The following TCERG1 variants were observed in gnomAD, a reference collection of about 807,000 sequenced individuals.
TCERG1 encodes transcription elongation regulator 1.
A neutral mutation model predicts 144.7 loss-of-function variants in TCERG1; 37 were observed. The ratio of observed to expected loss-of-function variants is 0.26; its 90% confidence interval spans 0.20 to 0.34. The LOEUF (loss-of-function observed/expected upper bound fraction) is 0.34. Among genes scored for constraint, TCERG1 ranks in the 10% least tolerant of loss-of-function variants. TCERG1 has a pLI of 1.00. For missense variants in TCERG1, 1,027 were observed against 1,380.7 expected, an observed-to-expected ratio of 0.74 and a Z score of 4.06; for synonymous variants, 492 against 458.2, an observed-to-expected ratio of 1.07 and a Z score of -0.94.
Position 146,488,973 on chromosome 5 carries a change from A to G in TCERG1, c.2164-3947A>G, listed in dbSNP as rs1309118570. On this transcript the variant is annotated intron_variant, in intron 15 of 22. Coordinates refer to ENST00000679501, the MANE Select transcript of TCERG1 (RefSeq NM_001382548.1). Reference sequence around the variant, plus strand: ...AGAAAGATAAACATCTTATGTTTTCACACATGTGGAAGCAAAAGAAAGTTG... The same window carrying G: ...AGAAAGATAAACATCTTATGTTTTCGCACATGTGGAAGCAAAAGAAAGTTG... Among the ~76,000 whole-genome samples, 6 of 152,324 alleles carry G rather than the reference A, an allele frequency of 3.9e-5. No homozygotes were observed. The South Asian group carries it at 6.2e-4, about 16-fold the overall frequency.
chr5:146,481,732 A>G (rs1765380001), intron 13 of TCERG1: 1 of 152,180 alleles, frequency 6.6e-6, no homozygotes, highest in African/African-American at 2.4e-5. Context: ...ATACACCCAG[A>G]TATTATTGAA....
At chr5:146,483,180 A>G (rs370904357) in intron 14 of TCERG1, among the ~76,000 whole-genome samples, 90 of 152,326 alleles carry the variant, frequency 5.9e-4, no homozygotes, top group African/African-American at 2.0e-3. Context: ...AATAAGTAAA[A>G]TTGTTCAATT....
At chr5:146,455,319 C>G in intron 2 of TCERG1, 38 bp downstream of exon 2, 1 of 1,606,914 alleles carries the variant, frequency 6.2e-7, no homozygotes. Flanking sequence ...TTGTTGGCAT[C>G]ATTATCAATA....
At chr5:146,454,529 A>G (rs1762653921) in intron 1 of TCERG1, among the ~76,000 whole-genome samples, 2 of 151,402 alleles carry the variant, frequency 1.3e-5, no homozygotes, top group Non-Finnish European at 2.9e-5. Context: ...CTCGGCATCC[A>G]TTGATCATTC....
At position 146,459,325 on chromosome 5, in the gene TCERG1, C is replaced by T. The variant is rs1225541384; in HGVS notation, c.880C>T (p.Gln294Ter). The T allele has an allele frequency of 6.2e-7, 1 of 1,613,972 alleles. No individual in the cohort carries two copies. Among genetic ancestry groups the T allele is most frequent in the East Asian group, 2.2e-5 (1 of 44,890 alleles). The change falls in exon 4 of 23, where the codon CAG becomes TAG. Residue 294 changes from glutamine (Q) to a stop codon, truncating the protein, a stop_gained. Coordinates refer to ENST00000679501, the MANE Select transcript of TCERG1 (RefSeq NM_001382548.1). LOFTEE classifies it high-confidence loss of function. ...STTTTATSVA[Q>*]TVSTPTTQDQ... Reference sequence around the variant, plus strand: ...CACAACAACTGCTACTTCAGTTGCGCAGACAGTATCAAGTGAGTACCACTC... The same window carrying T: ...CACAACAACTGCTACTTCAGTTGCGTAGACAGTATCAAGTGAGTACCACTC...
chr5:146,479,136 A>G (rs1213656924), intron 10 of TCERG1, among the ~76,000 whole-genome samples: 3 of 152,166 alleles, frequency 2.0e-5, no homozygotes, highest in Non-Finnish European at 4.4e-5. Context: ...AATCTATCTC[A>G]TATTCAGAGG....
chr5:146,465,072 A>G (rs1478255011), intron 5 of TCERG1, among the ~76,000 whole-genome samples: 1 of 152,190 alleles, frequency 6.6e-6, no homozygotes, highest in Non-Finnish European at 1.5e-5. Context: ...TTTCCCTACT[A>G]TTAGGGATTA....
rs568476266 is a variant in TCERG1, at chr5:146,461,054, C to T, written c.892+1717C>T. On this transcript the variant is annotated intron_variant, in intron 4 of 22. Transcript: ENST00000679501. ...TTAGAAAGGAGAAATAGTAGTGCTT[C>T]GTTTTGTTTTAGGAAAGGTGATGAG... Among the ~76,000 whole-genome samples the T allele has an allele frequency of 1.1e-4, 17 of 152,088 alleles. No individual in the cohort carries two copies. The South Asian group carries it at 2.7e-3, about 24-fold the overall frequency.
At position 146,463,566 on chromosome 5, in the gene TCERG1, A is replaced by G; in HGVS notation, c.908A>G (p.Asp303Gly). The G allele has an allele frequency of 6.2e-7, 1 of 1,614,192 alleles. No individual in the cohort carries two copies. Among genetic ancestry groups the G allele is most frequent in the Non-Finnish European group, 8.5e-7 (1 of 1,180,036 alleles). Residue 303 changes from aspartate (D) to glycine (G), a missense_variant, in exon 5 of 23, where the codon GAT becomes GGT. Physicochemically the swap from Asp to Gly is moderately conservative, Grantham distance 94 (BLOSUM62 -1). This residue lies in a region of TCERG1 where 187 missense variants were observed against 169.1 expected (regional missense o/e 1.11). Transcript: ENST00000679501. ...CTTTTATCAGCACCCACAACACAAGATCAGACCCCAAGTTCTGCTGTTTCA... is the reference window on the plus strand; with the variant it reads ...CTTTTATCAGCACCCACAACACAAGGTCAGACCCCAAGTTCTGCTGTTTCA... The part of the protein sequence containing the change: ...AQTVSTPTTQ[D>G]QTPSSAVSVA...
intron 4 of TCERG1, chr5:146,461,915 A>G (rs1763362099): frequency 6.6e-6 from 1 of 152,566 alleles, no homozygotes; most frequent in Non-Finnish European, 1.5e-5. Context: ...ATAGTAGATT[A>G]CAAATGCTAA....
At chr5:146,489,143 A>G (rs1251908776) in intron 15 of TCERG1, among the ~76,000 whole-genome samples, 1 of 152,198 alleles carries the variant, frequency 6.6e-6, no homozygotes, top group East Asian at 1.9e-4. Flanking sequence ...GTAGCCCTGT[A>G]GGATGACTGG....
At chr5:146,473,520 G>A (rs1764541953) in intron 9 of TCERG1, among the ~76,000 whole-genome samples, 2 of 152,218 alleles carry the variant, frequency 1.3e-5, no homozygotes, top group African/African-American at 4.8e-5. Context: ...AGACGAAACA[G>A]CCTTCTATTG....
At chr5:146,492,566 C>G (rs1030930844) in intron 15 of TCERG1, among the ~76,000 whole-genome samples, 10 of 152,090 alleles carry the variant, frequency 6.6e-5, no homozygotes, top group African/African-American at 2.4e-4. Context: ...ACTACAGATT[C>G]CATACCATTG....
intron 1 of TCERG1, among the ~76,000 whole-genome samples, chr5:146,453,040 G>A (rs1025908367): frequency 1.3e-4 from 20 of 152,176 alleles, no homozygotes; most frequent in African/African-American, 4.6e-4. Context: ...AAAGAGCTTA[G>A]AGCAAGCACT....
chr5:146,478,334 T>G (rs1765040035), intron 9 of TCERG1, 159 bp from the exon 10 acceptor site: 3 of 659,726 alleles, frequency 4.5e-6, no homozygotes, highest in Non-Finnish European at 6.7e-6. Context: ...TCAGTTATCT[T>G]GTAAAAACCA....
chr5:146,469,778 A>G (rs1202197578), intron 7 of TCERG1, 34 bp downstream of exon 7: 1 of 1,413,056 alleles, frequency 7.1e-7, no homozygotes, highest in Non-Finnish European at 9.5e-7. Context: ...GGAAAGTAGT[A>G]TAAACTGTAA....
Position 146,507,127 on chromosome 5 carries a change from A to C in TCERG1, c.2881A>C (p.Lys961Gln). Residue 961 changes from lysine to glutamine, a missense_variant, in exon 20 of 23, where the codon AAG (lysine) becomes CAG (glutamine). Around this residue, in one of 6 missense-constraint regions of TCERG1, gnomAD observed 133 missense variants for 283.2 expected, o/e 0.47. Coordinates refer to ENST00000679501, the MANE Select transcript of TCERG1 (RefSeq NM_001382548.1). This position sits in a 1 kb window ranked among gnomAD's most constrained non-coding sequence, Gnocchi z 4.6. The stretch of plus-strand genomic sequence containing the variant: ...CTTATTGGAAAGAGAGGAGAAAGAG[A>C]AGCTTTTTAATGAACACATTGAAGC... Reference protein sequence around the residue: ...GSLLEREEKEKLFNEHIEALT... With the variant: ...GSLLEREEKEQLFNEHIEALT... 6.2e-7 allele frequency: 1 copy of C among 1,613,750 alleles called. No homozygotes were observed. The highest frequency in any genetic ancestry group is 8.5e-7 in the Non-Finnish European group (1 of 1,179,854).
At chr5:146,479,564 A>G (rs1765159540) in intron 10 of TCERG1, among the ~76,000 whole-genome samples, 1 of 152,132 alleles carries the variant, frequency 6.6e-6, no homozygotes, top group Non-Finnish European at 1.5e-5. Context: ...CATTCATTTG[A>G]TAAATACATT....
At position 146,507,529 on chromosome 5, in the gene TCERG1, C is replaced by T. The variant is rs986313874; in HGVS notation, c.2961+322C>T. The T allele has an allele frequency of 6.0e-6, 2 of 331,184 alleles. No homozygotes were observed. Among genetic ancestry groups the T allele is most frequent in the Non-Finnish European group, 1.1e-5 (2 of 185,056 alleles). The allele number at this position is 331,184 out of a possible 1,614,324, so 20.5% of individuals were successfully genotyped here. ...CAATTTGGTACTATGGCCTCTTGTTCGGCAGTTTGTACGCTTTGTTATCCA... is the reference window on the plus strand; with the variant it reads ...CAATTTGGTACTATGGCCTCTTGTTTGGCAGTTTGTACGCTTTGTTATCCA... On this transcript the variant is annotated intron_variant, in intron 20 of 22. Transcript: ENST00000679501. The surrounding 1 kb of genome is among the most constrained non-coding windows in gnomAD (Gnocchi z 4.6).
Sources: allele counts gnomAD v4.1 joint callset (sites outside exome capture counted in the v4.1 genomes callset), GRCh38; gene constraint gnomAD v4.1.1; regional missense constraint gnomAD v4.1.1; non-coding constraint Gnocchi (gnomAD v3.1); transcripts MANE v1.5; gene names NCBI Gene and HGNC (gene_info 2026-07-23, HGNC 2026-07-21).